DAPK1: variants seen among roughly 807,000 people sequenced by gnomAD.
DAPK1 encodes the protein death-associated protein kinase 1.
In DAPK1, 56 loss-of-function variants were observed where a neutral mutation model predicts 144.9. That is an observed-to-expected ratio of 0.39 (90% CI 0.31 to 0.48). The LOEUF is 0.48. DAPK1 is among the 20% of genes least tolerant of loss of function. The pLI is 0.95. For missense variants in DAPK1, 1,454 were observed against 1,875.4 expected, an observed-to-expected ratio of 0.78 and a Z score of 4.15; for synonymous variants, 690 against 749.0, an observed-to-expected ratio of 0.92 and a Z score of 1.29.
chr9:87,700,628 A>G (rs1449261495), intron 24 of DAPK1, among the ~76,000 whole-genome samples: 1 of 152,066 alleles, frequency 6.6e-6, no homozygotes, highest in East Asian at 1.9e-4. Context: ...CCTCCCAAGT[A>G]GCTAGGACTA....
chr9:87,527,894 C>T (rs1453625559), intron 2 of DAPK1, among the ~76,000 whole-genome samples: 3 of 152,180 alleles, frequency 2.0e-5, no homozygotes, highest in Non-Finnish European at 2.9e-5. Flanking sequence ...ACCTTGTCTG[C>T]GAACAATTGT....
intron 2 of DAPK1, among the ~76,000 whole-genome samples, chr9:87,587,606 C>T (rs749301251): frequency 5.9e-5 from 9 of 152,234 alleles, no homozygotes; most frequent in Non-Finnish European, 1.2e-4. Flanking sequence ...AATAATGTTA[C>T]TCAAGGGCCC....
At chr9:87,666,192 C>T (rs796257104) in intron 18 of DAPK1, among the ~76,000 whole-genome samples, 6 of 152,242 alleles carry the variant, frequency 3.9e-5, no homozygotes, top group African/African-American at 1.4e-4. Context: ...TTGGTTTTCT[C>T]TCACCTGCTC....
chr9:87,688,821 A>G (rs73483601), intron 21 of DAPK1, among the ~76,000 whole-genome samples: 1,774 of 152,086 alleles, frequency 0.012, 14 homozygotes, highest in South Asian at 0.023. Context: ...TTCCTTATAG[A>G]TTCTGGATCT....
intron 19 of DAPK1, among the ~76,000 whole-genome samples, chr9:87,673,231 A>T (rs967917368): frequency 2.0e-5 from 3 of 152,140 alleles, no homozygotes; most frequent in African/African-American, 7.2e-5. Flanking sequence ...ACTCTGCAAG[A>T]ACCACTGCAG....
chr9:87,531,551 C>G (rs192300805), intron 2 of DAPK1, among the ~76,000 whole-genome samples: 1 of 152,182 alleles, frequency 6.6e-6, no homozygotes, highest in Non-Finnish European at 1.5e-5. Flanking sequence ...TGGTGCAAAC[C>G]TGTGCTGCAA....
chr9:87,698,308 C>T (rs904789057), intron 22 of DAPK1: 7 of 192,848 alleles, frequency 3.6e-5, no homozygotes, highest in African/African-American at 1.6e-4. Flanking sequence ...ACTCAGGCGT[C>T]TCTCTTTGGT....
rs1554684284 is a variant in DAPK1 at position 87,571,498 on chromosome 9, A to ACACACACACACACACACACACAC, written c.63-33456_63-33455insCACACACACACACACACACACAC. The stretch of plus-strand genomic sequence containing the variant: ...ACCAACACACACACACACACACCCC[A>ACACACACACACACACACACACAC]ACACACACACACACACACACACACA... On this transcript the variant is annotated intron_variant, in intron 2 of 25. Coordinates refer to ENST00000408954, the MANE Select transcript of DAPK1 (RefSeq NM_004938.4). Among the ~76,000 whole-genome samples the ACACACACACACACACACACACAC allele has an allele frequency of 4.7e-4, 22 of 46,506 alleles. 1 individual carries two copies. Among genetic ancestry groups the ACACACACACACACACACACACAC allele is most frequent in the East Asian group, 1.0e-3 (1 of 1,000 alleles). The allele number at this position is 46,506 out of a possible 152,430, so 30.5% of individuals were successfully genotyped here. A position where few individuals can be genotyped will look rare whatever the true frequency, so the allele number is the denominator to read the frequency against.
chr9:87,507,737 T>C, intron 2 of DAPK1, among the ~76,000 whole-genome samples: 1 of 152,152 alleles, frequency 6.6e-6, no homozygotes, highest in African/African-American at 2.4e-5. Flanking sequence ...ATCTCTGAAG[T>C]GTGAAAAGTT....
At chr9:87,694,455 C>G (rs1825186378) in intron 21 of DAPK1, among the ~76,000 whole-genome samples, 1 of 152,310 alleles carries the variant, frequency 6.6e-6, no homozygotes, top group East Asian at 1.9e-4. Context: ...CATGTGATCC[C>G]CAGCCTCTGG....
intron 3 of DAPK1, among the ~76,000 whole-genome samples, chr9:87,635,607 CA>C (rs1252378244): frequency 1.3e-5 from 2 of 152,260 alleles, no homozygotes; most frequent in African/African-American, 4.8e-5. Flanking sequence ...TGGTATGCTA[CA>C]GGGGTGACAG....
intron 2 of DAPK1, among the ~76,000 whole-genome samples, chr9:87,597,984 T>C (rs36206541): frequency 0.051 from 7,777 of 152,266 alleles, 685 homozygotes; most frequent in African/African-American, 0.18. Flanking sequence ...CCCTTTTTTC[T>C]TCTTCCCACA....
intron 18 of DAPK1, among the ~76,000 whole-genome samples, chr9:87,661,175 G>T (rs1203366778): frequency 2.0e-5 from 3 of 152,172 alleles, no homozygotes; most frequent in Non-Finnish European, 2.9e-5. Flanking sequence ...GTATTCCATT[G>T]TGTATATATA....
intron 2 of DAPK1, among the ~76,000 whole-genome samples, chr9:87,569,676 T>G (rs1235118216): frequency 6.6e-6 from 1 of 151,966 alleles, no homozygotes; most frequent in Non-Finnish European, 1.5e-5. Context: ...TCAATGCGGG[T>G]GCATCCGGGT....
At chr9:87,510,169 G>C (rs141419016) in intron 2 of DAPK1, among the ~76,000 whole-genome samples, 1 of 152,158 alleles carries the variant, frequency 6.6e-6, no homozygotes, top group African/African-American at 2.4e-5. Context: ...CCACCCCTTC[G>C]TTGGCTGGAA....
At chr9:87,501,608 C>T (rs1052916879) in intron 2 of DAPK1, among the ~76,000 whole-genome samples, 2 of 151,992 alleles carry the variant, frequency 1.3e-5, no homozygotes, top group Non-Finnish European at 1.5e-5. Flanking sequence ...TAAATAATAA[C>T]GATTCACTTA....
At position 87,528,598 on chromosome 9, in the gene DAPK1, C is replaced by T. The variant is rs114125621; in HGVS notation, c.62+29459C>T. 9.3e-3 allele frequency among the ~76,000 whole-genome samples: 1,412 copies of T among 152,202 alleles called. 21 individuals carry two copies. The highest frequency in any genetic ancestry group is 0.032 in the African/African-American group (1,348 of 41,522). The stretch of plus-strand genomic sequence containing the variant: ...CAAAGCTAACTTTCATCTCCTGCAG[C>T]GTTTGTTCAGATGTCACTTTCTCAG... On this transcript the variant is annotated intron_variant, in intron 2 of 25. Transcript: ENST00000408954.
At chr9:87,596,828 T>C (rs748263213) in intron 2 of DAPK1, among the ~76,000 whole-genome samples, 7 of 152,150 alleles carry the variant, frequency 4.6e-5, no homozygotes, top group Non-Finnish European at 8.8e-5. Flanking sequence ...TAGTTGAAAA[T>C]AACAGTTTAT....
intron 20 of DAPK1, among the ~76,000 whole-genome samples, chr9:87,682,815 G>C (rs1259699702): frequency 2.0e-5 from 3 of 152,108 alleles, no homozygotes; most frequent in African/African-American, 7.2e-5. Context: ...AGCCTTGAGG[G>C]GTCAGTTGGC....
Sources: allele counts gnomAD v4.1 joint callset (sites outside exome capture counted in the v4.1 genomes callset), GRCh38; gene constraint gnomAD v4.1.1; transcripts MANE v1.5; gene names NCBI Gene and HGNC (gene_info 2026-07-23, HGNC 2026-07-21).